Variants in RASSF5 observed in about 807,000 individuals in gnomAD.
RASSF5 encodes Ras association domain family member 5, also known as ras association domain-containing protein 5.
Under a neutral mutation model 40.5 loss-of-function variants are expected in RASSF5, and 25 were observed. The ratio of observed to expected loss-of-function variants is 0.62; its 90% confidence interval spans 0.45 to 0.86. The LOEUF (loss-of-function observed/expected upper bound fraction) is 0.86. Among genes scored for constraint, RASSF5 ranks in the 40% least tolerant of loss-of-function variants. The probability of loss-of-function intolerance (pLI) is 0.00; values close to 1 mark genes in which losing one functional copy is unlikely to be tolerated. For synonymous variants in RASSF5, 246 were observed against 252.4 expected (o/e 0.97, Z 0.24); for missense variants, 521 against 572.8 (o/e 0.91, Z 0.92).
At chr1:206,558,370 T>G (rs1196196231) in intron 2 of RASSF5, among the ~76,000 whole-genome samples, 3 of 151,390 alleles carry the variant, frequency 2.0e-5, no homozygotes, top group Admixed American at 1.3e-4. Flanking sequence ...CCCTGGCCAC[T>G]CTCCTAGTTG....
intron 2 of RASSF5, chr1:206,581,014 C>T (rs2103565959): frequency 6.6e-6 from 1 of 152,340 alleles, no homozygotes; most frequent in Admixed American, 6.5e-5. Flanking sequence ...CAGGCCGGCC[C>T]CTTCAGCAAA....
chr1:206,553,059 G>A (rs1369677671), intron 2 of RASSF5, among the ~76,000 whole-genome samples: 1 of 152,058 alleles, frequency 6.6e-6, no homozygotes, highest in African/African-American at 2.4e-5. Context: ...AAAATTAGCC[G>A]GGTGTGGTGG....
intron 2 of RASSF5, chr1:206,582,976 G>T (rs1214916266): frequency 2.7e-5 from 7 of 261,562 alleles, no homozygotes; most frequent in Non-Finnish European, 5.3e-5. Context: ...AGTGCCAGAC[G>T]CTTTCACACT....
chr1:206,533,773 G>T (rs1222172538), intron 1 of RASSF5, among the ~76,000 whole-genome samples: 1 of 151,890 alleles, frequency 6.6e-6, no homozygotes, highest in African/African-American at 2.4e-5. Context: ...AAAAAAAAAA[G>T]TTCTAACCCC....
At chr1:206,565,055 G>A (rs962758855) in intron 2 of RASSF5, among the ~76,000 whole-genome samples, 6 of 152,108 alleles carry the variant, frequency 3.9e-5, no homozygotes, top group Non-Finnish European at 7.4e-5. Context: ...ACAGCTTCCT[G>A]GAGGTCTCAG....
Position 206,507,907 on chromosome 1 carries a change from A to T in RASSF5, c.305A>T (p.Asp102Val). ...CGGCCTGGAGCGCCCCGACCCCGCG[A>T]CGTGCGGAGCATCTTCGAGCAGCCG... ...RRRPGAPRPR[D>V]VRSIFEQPQD... The change falls in exon 1 of 6, where the codon GAC becomes GTC. Residue 102 changes from aspartate to valine, a missense_variant. Transcript: ENST00000579436. 6.6e-6 allele frequency: 10 copies of T among 1,508,688 alleles called. No homozygotes were observed. Among genetic ancestry groups the T allele is most frequent in the Non-Finnish European group, 8.8e-6 (10 of 1,136,280 alleles). The allele number at this position is 1,508,688 out of a possible 1,614,324, so 93.5% of individuals were successfully genotyped here.
chr1:206,522,498 A>G (rs1356148149), intron 1 of RASSF5, among the ~76,000 whole-genome samples: 5 of 152,180 alleles, frequency 3.3e-5, no homozygotes, highest in Non-Finnish European at 5.9e-5. Flanking sequence ...AATCTCTCAC[A>G]TTCACTGAGG....
In RASSF5 at chr1:206,521,733, C is replaced by T. The variant is rs1451393728; in HGVS notation, c.457+13674C>T. ...AAAAACAACCCTCCCCTTCTCTTTC[C>T]GTATGTGCCCCTCACTTCTAGAGCC... On this transcript the variant is annotated intron_variant, in intron 1 of 5. Coordinates refer to ENST00000579436, the MANE Select transcript of RASSF5 (RefSeq NM_182663.4). 3.3e-5 allele frequency among the ~76,000 whole-genome samples: 5 copies of T among 152,320 alleles called. No homozygotes were observed. In the East Asian group the frequency reaches 9.6e-4, roughly 29 times the overall value.
chr1:206,582,928 C>T (rs1017405892), intron 2 of RASSF5, among the ~76,000 whole-genome samples: 4 of 152,162 alleles, frequency 2.6e-5, no homozygotes, highest in Non-Finnish European at 4.4e-5. Flanking sequence ...TAAGCAAATG[C>T]GGCTCTGCTC....
intron 2 of RASSF5, 46 bp from the exon 3 acceptor site, chr1:206,583,223 C>A (rs1668963680): frequency 1.5e-6 from 2 of 1,301,154 alleles, no homozygotes; most frequent in African/African-American, 1.5e-5. Context: ...CCTTTCTCAC[C>A]CTGAGAACTA....
chr1:206,585,135 C>T, intron 4 of RASSF5, 45 bp from the exon 5 acceptor site: 1 of 1,492,734 alleles, frequency 6.7e-7, no homozygotes, highest in Non-Finnish European at 9.3e-7. Context: ...GGGCCCCGCC[C>T]TTCTTTTCTG....
intron 1 of RASSF5, among the ~76,000 whole-genome samples, chr1:206,523,876 T>C (rs1345582217): frequency 3.6e-5 from 4 of 110,670 alleles, no homozygotes; most frequent in African/African-American, 1.5e-4. Flanking sequence ...TATTATATAT[T>C]TTATATATAT....
At chr1:206,575,789 C>T (rs985227455) in intron 2 of RASSF5, among the ~76,000 whole-genome samples, 11 of 152,234 alleles carry the variant, frequency 7.2e-5, no homozygotes, top group Admixed American at 2.0e-4. Flanking sequence ...GCTCCCCAGA[C>T]GTCACAGGTC....
Position 206,552,915 on chromosome 1 carries a change from T to C in RASSF5, c.579+14622T>C, listed in dbSNP as rs1162529839. Reference sequence around the variant, plus strand: ...TCTAGTGCTTGCCTGAAGAAAGTGCTCAGTAAGGCTGGGCGCGGTGGCTCA... The same window carrying C: ...TCTAGTGCTTGCCTGAAGAAAGTGCCCAGTAAGGCTGGGCGCGGTGGCTCA... On this transcript the variant is annotated intron_variant, in intron 2 of 5. Transcript: ENST00000579436. The surrounding 1 kb of genome is among the most constrained non-coding windows in gnomAD (Gnocchi z 4.1). Among the ~76,000 whole-genome samples the C allele has an allele frequency of 6.6e-6, 1 of 152,094 alleles. No individual in the cohort carries two copies. The highest frequency in any genetic ancestry group is 2.4e-5 in the African/African-American group (1 of 41,396).
chr1:206,576,978 AT>A (rs36057143), intron 2 of RASSF5, among the ~76,000 whole-genome samples: 4,454 of 145,228 alleles, frequency 0.031, 182 homozygotes, highest in African/African-American at 0.1. Flanking sequence ...TAATTTTTGT[AT>A]TTTTTTTTTT....
chr1:206,557,586 A>G (rs782113842), intron 2 of RASSF5: 1 of 1,614,182 alleles, frequency 6.2e-7, no homozygotes. Flanking sequence ...GACCGTGGAC[A>G]GCAGCATGAG....
chr1:206,537,285 C>G (rs12756098), intron 1 of RASSF5, among the ~76,000 whole-genome samples: 3,066 of 152,228 alleles, frequency 0.02, 46 homozygotes, highest in Middle Eastern at 0.034. Flanking sequence ...TGAACATTGT[C>G]GATGGAATGT....
Position 206,557,192 on chromosome 1 carries a change from G to A in RASSF5, c.579+18899G>A. 3.9e-6 allele frequency: 4 copies of A among 1,034,586 alleles called. No individual in the cohort carries two copies. In the South Asian group the frequency reaches 1.5e-4, roughly 40 times the overall value. The allele number at this position is 1,034,586 out of a possible 1,614,324, so 64.1% of individuals were successfully genotyped here. Reference sequence around the variant, plus strand: ...ACTGCTTTACGCGAGGGGCAGGAAAGGCGCGGGAGGCGGGGGAGGTGCGGA... The same window carrying A: ...ACTGCTTTACGCGAGGGGCAGGAAAAGCGCGGGAGGCGGGGGAGGTGCGGA... On this transcript the variant is annotated intron_variant, in intron 2 of 5. Transcript: ENST00000579436.
intron 1 of RASSF5, among the ~76,000 whole-genome samples, chr1:206,526,484 T>C (rs528471789): frequency 2.6e-4 from 39 of 152,338 alleles, no homozygotes; most frequent in African/African-American, 8.9e-4. Context: ...TGTCCTGACC[T>C]GGCTGCCTGA....
Sources: allele counts gnomAD v4.1 joint callset (sites outside exome capture counted in the v4.1 genomes callset), GRCh38; gene constraint gnomAD v4.1.1; non-coding constraint Gnocchi (gnomAD v3.1); transcripts MANE v1.5; gene names NCBI Gene and HGNC (gene_info 2026-07-23, HGNC 2026-07-21).